The following ARMC9 variants were observed in gnomAD, a reference collection of about 807,000 sequenced individuals.
ARMC9 encodes the protein armadillo repeat containing 9.
A neutral mutation model predicts 107.0 loss-of-function variants in ARMC9; 94 were observed. The observed-to-expected ratio is 0.88, with a 90% CI of 0.74 to 1.04. The LOEUF (loss-of-function observed/expected upper bound fraction) is 1.04. ARMC9 is among the 50% of genes least tolerant of loss of function. The pLI is 0.00. For synonymous variants in ARMC9, 380 were observed against 396.9 expected (o/e 0.96, Z 0.51); for missense variants, 942 against 1,030.1 (o/e 0.91, Z 1.17).
chr2:231,278,716 T>A (rs1207640994), intron 16 of ARMC9, among the ~76,000 whole-genome samples: 2 of 144,728 alleles, frequency 1.4e-5, no homozygotes, highest in Non-Finnish European at 3.1e-5. Flanking sequence ...CCGGCATTGC[T>A]GTTTCTCATC....
chr2:231,360,505 G>A lies in ARMC9; in HGVS notation c.2132-249G>A, dbSNP rs974455373. On this transcript the variant is annotated intron_variant, in intron 22 of 24. Coordinates refer to ENST00000611582, the MANE Select transcript of ARMC9 (RefSeq NM_001352754.2). The surrounding 1 kb of genome is among the most constrained non-coding windows in gnomAD (Gnocchi z 4.7). ...CTGAGGGGTGCCAGGAAGGCTGAGC[G>A]GCCAGGGTGATCTGAACCTCCCTGG... Among the ~76,000 whole-genome samples the A allele has an allele frequency of 1.3e-5, 2 of 152,164 alleles. No individual in the cohort carries two copies. The highest frequency in any genetic ancestry group is 2.1e-4 in the South Asian group (1 of 4,830).
chr2:231,337,733 A>G (rs1028499152), intron 20 of ARMC9, among the ~76,000 whole-genome samples: 3 of 152,082 alleles, frequency 2.0e-5, no homozygotes, highest in African/African-American at 7.2e-5. Context: ...CTCAATGTCT[A>G]TATTCTTGTG....
chr2:231,289,762 T>G (rs2040862305), intron 17 of ARMC9, among the ~76,000 whole-genome samples: 1 of 152,166 alleles, frequency 6.6e-6, no homozygotes, highest in South Asian at 2.1e-4. Context: ...CTTCCTCCCT[T>G]CCAGATTGTC....
intron 4 of ARMC9, 51 bp from the exon 5 acceptor site, chr2:231,216,587 A>G: frequency 5.1e-6 from 8 of 1,575,952 alleles, no homozygotes; most frequent in Non-Finnish European, 6.9e-6. Context: ...GTGAGCAGAT[A>G]GACTGGGCAT....
chr2:231,328,226 C>A (rs2043465094), intron 19 of ARMC9, among the ~76,000 whole-genome samples: 1 of 152,048 alleles, frequency 6.6e-6, no homozygotes, highest in African/African-American at 2.4e-5. Flanking sequence ...CTCTTCATGT[C>A]TTTTGCCCAT....
At chr2:231,236,885 A>G (rs1301146125) in intron 8 of ARMC9, among the ~76,000 whole-genome samples, 1 of 152,208 alleles carries the variant, frequency 6.6e-6, no homozygotes, top group East Asian at 1.9e-4. Flanking sequence ...CAGAGGTTGC[A>G]GTGAGCCAAG....
chr2:231,341,633 A>G (rs1452973747), intron 20 of ARMC9, among the ~76,000 whole-genome samples: 1 of 101,156 alleles, frequency 9.9e-6, no homozygotes, highest in Non-Finnish European at 1.8e-5. Context: ...ATTGATAGAT[A>G]GATAGATGAT....
chr2:231,262,411 T>C lies in ARMC9; in HGVS notation c.1119+13T>C. 2.5e-6 allele frequency: 4 copies of C among 1,609,424 alleles called. No homozygotes were observed. Among genetic ancestry groups the C allele is most frequent in the Non-Finnish European group, 3.4e-6 (4 of 1,175,766 alleles). On this transcript the variant is annotated intron_variant, in intron 12 of 24. Coordinates refer to ENST00000611582, the MANE Select transcript of ARMC9 (RefSeq NM_001352754.2). ...TAGCCACAACCAGGTTGGTAAGAGG[T>C]GGGGCCAGATCCCAGCCAGGGCCTT...
intron 6 of ARMC9, among the ~76,000 whole-genome samples, chr2:231,225,148 A>G (rs2034519037): frequency 6.6e-6 from 1 of 152,248 alleles, no homozygotes; most frequent in Admixed American, 6.5e-5. Context: ...GGTTTTTAAT[A>G]CAGACATACA....
chr2:231,347,814 A>G (rs564378943), intron 21 of ARMC9, among the ~76,000 whole-genome samples: 2 of 152,352 alleles, frequency 1.3e-5, no homozygotes, highest in East Asian at 3.9e-4. Flanking sequence ...TAAATATTGC[A>G]TAGAAAAATC....
chr2:231,363,714 G>A (rs186815936), intron 23 of ARMC9, among the ~76,000 whole-genome samples: 2,074 of 151,904 alleles, frequency 0.014, 48 homozygotes, highest in African/African-American at 0.048. Flanking sequence ...GAGAAACCCC[G>A]TCTCTACTAA....
intron 9 of ARMC9, chr2:231,256,054 C>CA: frequency 6.6e-7 from 1 of 1,516,920 alleles, no homozygotes; most frequent in Non-Finnish European, 8.8e-7. Flanking sequence ...AAAACAAAAA[C>CA]AAAAAAACCG....
intron 9 of ARMC9, among the ~76,000 whole-genome samples, chr2:231,244,784 G>A (rs1211459961): frequency 2.0e-5 from 3 of 152,258 alleles, no homozygotes; most frequent in South Asian, 2.1e-4. Context: ...CGCTGCCATT[G>A]CTGTGGCCAC....
At chr2:231,280,987 G>A (rs1217160811) in intron 16 of ARMC9, among the ~76,000 whole-genome samples, 2 of 152,304 alleles carry the variant, frequency 1.3e-5, no homozygotes, top group Admixed American at 6.5e-5. Context: ...CCGAAGGAGG[G>A]CGGTGGGAAA....
At chr2:231,282,485 T>C (rs2040289474) in intron 17 of ARMC9, among the ~76,000 whole-genome samples, 1 of 152,232 alleles carries the variant, frequency 6.6e-6, no homozygotes, top group Non-Finnish European at 1.5e-5. Flanking sequence ...CAGTGTTTAA[T>C]GTGTACGTTA....
chr2:231,293,059 C>T (rs536641807), intron 18 of ARMC9, among the ~76,000 whole-genome samples: 23 of 152,294 alleles, frequency 1.5e-4, no homozygotes, highest in Admixed American at 7.2e-4. Flanking sequence ...AAGGAGGCAG[C>T]TGAGGAGAGC....
At chr2:231,305,965 T>C (rs1293892079) in intron 19 of ARMC9, among the ~76,000 whole-genome samples, 1 of 152,242 alleles carries the variant, frequency 6.6e-6, no homozygotes, top group Non-Finnish European at 1.5e-5. Context: ...AAACTCCGAA[T>C]GATTGGTCTC....
At chr2:231,328,670 C>G (rs139637493) in intron 19 of ARMC9, among the ~76,000 whole-genome samples, 1 of 151,806 alleles carries the variant, frequency 6.6e-6, no homozygotes, top group Non-Finnish European at 1.5e-5. Flanking sequence ...GTTCTCTGTT[C>G]CATTCCATTG....
At chr2:231,329,751 A>G (rs948084096) in intron 19 of ARMC9, among the ~76,000 whole-genome samples, 1 of 152,198 alleles carries the variant, frequency 6.6e-6, no homozygotes, top group Non-Finnish European at 1.5e-5. Context: ...CCTTACTAGT[A>G]TACAGAAATT....
Sources: allele counts gnomAD v4.1 joint callset (sites outside exome capture counted in the v4.1 genomes callset), GRCh38; gene constraint gnomAD v4.1.1; non-coding constraint Gnocchi (gnomAD v3.1); transcripts MANE v1.5; gene names NCBI Gene and HGNC (gene_info 2026-07-23, HGNC 2026-07-21).